The following ARMC8 variants were observed in gnomAD, a reference collection of about 807,000 sequenced individuals.
The protein encoded by ARMC8 is armadillo repeat-containing protein 8.
A neutral mutation model predicts 99.3 loss-of-function variants in ARMC8; 20 were observed. The ratio of observed to expected loss-of-function variants is 0.20; its 90% CI spans 0.14 to 0.29. The LOEUF is 0.29. Ranked by LOEUF, ARMC8 falls within the 10% of genes least tolerant of loss-of-function variation. ARMC8 has a pLI of 1.00. For missense variants in ARMC8, 569 were observed against 809.5 expected (o/e 0.70, Z 3.60); for synonymous variants, 263 against 278.3 (o/e 0.95, Z 0.55).
intron 2 of ARMC8, among the ~76,000 whole-genome samples, chr3:138,212,004 C>G (rs2044720592): frequency 6.6e-6 from 1 of 152,100 alleles, no homozygotes; most frequent in Non-Finnish European, 1.5e-5. Flanking sequence ...ACTAAAATTC[C>G]TAACTCAGAC....
At chr3:138,201,936 G>C (rs1371781939) in intron 1 of ARMC8, among the ~76,000 whole-genome samples, 1 of 152,096 alleles carries the variant, frequency 6.6e-6, no homozygotes. Flanking sequence ...CTTGTAACTT[G>C]CTTGTTTACA....
At chr3:138,284,644 C>T (rs1432800287) in intron 19 of ARMC8, 118 bp downstream of exon 19, 25 of 729,102 alleles carry the variant, frequency 3.4e-5, no homozygotes, top group Non-Finnish European at 5.5e-5. Flanking sequence ...CTCTGTGACT[C>T]CTCAGATTCA....
Position 138,264,412 on chromosome 3 carries a change from CTTTTTTT to C in ARMC8, c.1299+219_1299+225del, listed in dbSNP as rs11298899. Among the ~76,000 whole-genome samples, 5 of 48,646 alleles carry C rather than the reference CTTTTTTT, an allele frequency of 1.0e-4. No individual in the cohort carries two copies. In the East Asian group the frequency reaches 3.7e-3, roughly 36 times the overall value. The allele number at this position is 48,646 out of a possible 152,430, so 31.9% of individuals were successfully genotyped here. On this transcript the variant is annotated intron_variant, in intron 14 of 21. Transcript: ENST00000469044. ...GGGAACTACAGGCCTGATTTTCTTT[CTTTTTTT>C]TTTTTTTTTTTTTTTTTTGAGATGT...
intron 15 of ARMC8, among the ~76,000 whole-genome samples, chr3:138,268,711 G>A (rs1272559524): frequency 6.6e-6 from 1 of 152,010 alleles, no homozygotes; most frequent in Non-Finnish European, 1.5e-5. Flanking sequence ...GGGAATTTGA[G>A]GTTGCAATGA....
chr3:138,275,827 G>A (rs967069550), intron 18 of ARMC8, among the ~76,000 whole-genome samples: 1 of 152,068 alleles, frequency 6.6e-6, no homozygotes, highest in Non-Finnish European at 1.5e-5. Context: ...GATATTTTAC[G>A]TGATATCTCT....
chr3:138,217,474 G>A (rs982827619), intron 2 of ARMC8, among the ~76,000 whole-genome samples: 7 of 144,906 alleles, frequency 4.8e-5, no homozygotes, highest in African/African-American at 1.3e-4. Flanking sequence ...TTTTCATCAC[G>A]CTTATAATGC....
At chr3:138,198,804 G>T (rs563283077) in intron 1 of ARMC8, among the ~76,000 whole-genome samples, 1 of 152,010 alleles carries the variant, frequency 6.6e-6, no homozygotes, top group South Asian at 2.1e-4. Context: ...GAGCCACTGC[G>T]CCCGGCCATA....
rs974732037 is a variant in ARMC8 at position 138,237,661 on chromosome 3, C to T, written c.776+89C>T. ...ACAACCAAATTTGCTTGCTTCCAAT[C>T]CCCATTTTATTTTGAGATTTTGAAA... On this transcript the variant is annotated intron_variant, in intron 9 of 21. Transcript: ENST00000469044. 101 of 1,025,742 alleles carry T rather than the reference C, an allele frequency of 9.8e-5. 1 individual carries two copies. Among genetic ancestry groups the T allele is most frequent in the Non-Finnish European group, 1.4e-4 (96 of 694,974 alleles). The allele number at this position is 1,025,742 out of a possible 1,614,324, so 63.5% of individuals were successfully genotyped here.
intron 19 of ARMC8, among the ~76,000 whole-genome samples, chr3:138,287,388 A>C (rs2050534651): frequency 6.6e-6 from 1 of 152,174 alleles, no homozygotes; most frequent in Non-Finnish European, 1.5e-5. Context: ...TCTCTGTTTA[A>C]GTATTGCCAC....
intron 16 of ARMC8, among the ~76,000 whole-genome samples, 190 bp downstream of exon 16, chr3:138,270,322 G>A (rs2048670143): frequency 6.6e-6 from 1 of 152,182 alleles, no homozygotes; most frequent in East Asian, 1.9e-4. Context: ...CTGTAAGCAA[G>A]TTATGCCTCC....
At chr3:138,259,944 G>A (rs1560003337) in intron 12 of ARMC8, among the ~76,000 whole-genome samples, 1 of 152,156 alleles carries the variant, frequency 6.6e-6, no homozygotes, top group Non-Finnish European at 1.5e-5. Flanking sequence ...GTGGCCCCAT[G>A]GTCCCTGTCA....
Position 138,223,678 on chromosome 3 carries a change from G to A in ARMC8, c.380G>A (p.Arg127Gln), listed in dbSNP as rs1446398860. The A allele has an allele frequency of 1.2e-5, 19 of 1,614,042 alleles. No individual in the cohort carries two copies. The highest frequency in any genetic ancestry group is 1.4e-5 in the Non-Finnish European group (16 of 1,180,038). ...CTGAAGTTTATTGAAGCTTGCCTCC[G>A]ATGCCTGCGTACCATCTTCACCAGT... Reference protein sequence around the residue: ...PDLKFIEACLRCLRTIFTSPV... With the variant: ...PDLKFIEACLQCLRTIFTSPV... The change falls in exon 5 of 22, where the codon CGA (arginine) becomes CAA (glutamine). Residue 127 changes from arginine to glutamine, a missense_variant. By Grantham distance (43) the Arg-to-Gln change is conservative (BLOSUM62 1). Coordinates refer to ENST00000469044, the MANE Select transcript of ARMC8 (RefSeq NM_001363941.2).
At chr3:138,197,840 TAGTG>T (rs915193919) in intron 1 of ARMC8, among the ~76,000 whole-genome samples, 11 of 152,236 alleles carry the variant, frequency 7.2e-5, no homozygotes, top group African/African-American at 2.2e-4. Context: ...TTGAATTTAA[TAGTG>T]AGAAGAAACC....
chr3:138,263,585 C>T, intron 12 of ARMC8, 154 bp from the exon 13 acceptor site: 1 of 689,632 alleles, frequency 1.5e-6, no homozygotes, highest in Non-Finnish European at 2.6e-6. Flanking sequence ...TGATGAGCTG[C>T]CCGCCCCCAG....
rs58707271 is a variant in ARMC8, at chr3:138,201,436, C to CTTTTTTTTTTTTTTTT, written c.46-8355_46-8340dup. On this transcript the variant is annotated intron_variant, in intron 1 of 21. Transcript: ENST00000469044. The stretch of plus-strand genomic sequence containing the variant: ...TAGAGTCCTTGTCTTCTTCCCCTCC[C>CTTTTTTTTTTTTTTTT]TTTTTTTTTTTTTTTTTTTTTTTTT... 1.8e-4 allele frequency among the ~76,000 whole-genome samples: 12 copies of CTTTTTTTTTTTTTTTT among 64,996 alleles called. 3 individuals carry two copies. Among genetic ancestry groups the CTTTTTTTTTTTTTTTT allele is most frequent in the Non-Finnish European group, 3.4e-4 (10 of 29,394 alleles). 42.6% of individuals were successfully genotyped at this position (64,996 alleles called of 152,430 possible). A position where few individuals can be genotyped will look rare whatever the true frequency, so the allele number is the denominator to read the frequency against.
chr3:138,193,815 AAT>A (rs1256004382), intron 1 of ARMC8, among the ~76,000 whole-genome samples: 1 of 152,232 alleles, frequency 6.6e-6, no homozygotes, highest in Non-Finnish European at 1.5e-5. Flanking sequence ...CATAACACCA[AAT>A]GCATTACTTA....
Position 138,187,606 on chromosome 3 carries a change from G to T in ARMC8, c.45+7G>T, listed in dbSNP as rs1412412578. 14 of 1,535,442 alleles carry T rather than the reference G, an allele frequency of 9.1e-6. No homozygotes were observed. Among genetic ancestry groups the T allele is most frequent in the Non-Finnish European group, 1.2e-5 (14 of 1,146,496 alleles). ...CCGCATGAGCGTCCTTTCGGTGAGT[G>T]ACCCGCCGCGGCCGCCCGCCCGCCC... is the stretch of plus-strand genomic sequence containing the variant. On this transcript the variant is annotated splice_region_variant and intron_variant, in intron 1 of 21. Transcript: ENST00000469044.
intron 18 of ARMC8, among the ~76,000 whole-genome samples, chr3:138,281,048 A>G (rs942988283): frequency 1.3e-5 from 2 of 152,182 alleles, no homozygotes; most frequent in Non-Finnish European, 2.9e-5. Context: ...GGAAGCAACT[A>G]TAGACAATAC....
intron 20 of ARMC8, 39 bp from the exon 21 acceptor site, chr3:138,290,507 C>T: frequency 3.4e-6 from 5 of 1,454,626 alleles, no homozygotes; most frequent in Non-Finnish European, 4.7e-6. Flanking sequence ...GAGCATTTGC[C>T]TGGGTCATGT....
Sources: gnomAD v4.1 joint callset for allele counts (sites outside exome capture counted in the v4.1 genomes callset) on GRCh38, gnomAD v4.1.1 for gene constraint, MANE v1.5 for transcripts, NCBI Gene and HGNC (gene_info 2026-07-23, HGNC 2026-07-21) for gene names.